Variants in DLG5 observed in about 807,000 individuals in gnomAD.
DLG5 encodes the protein disks large homolog 5.
Under a neutral mutation model 189.8 loss-of-function variants are expected in DLG5, and 48 were observed. The ratio of observed to expected loss-of-function variants is 0.25; its 90% CI spans 0.20 to 0.32. The LOEUF is 0.32. Among genes scored for constraint, DLG5 ranks in the 10% least tolerant of loss-of-function variants. DLG5 has a pLI of 1.00. For synonymous variants in DLG5, 1,016 were observed against 1,054.1 expected, an observed-to-expected ratio of 0.96 and a Z score of 0.70; for missense variants, 2,160 against 2,544.7, an observed-to-expected ratio of 0.85 and a Z score of 3.25.
intron 1 of DLG5, among the ~76,000 whole-genome samples, chr10:77,892,637 C>T (rs55738779): frequency 0.27 from 40,839 of 152,094 alleles, 6,260 homozygotes; most frequent in Non-Finnish European, 0.35. Flanking sequence ...TGACTGTTTA[C>T]AAGACACCTC....
At chr10:77,911,688 G>A (rs945013279) in intron 1 of DLG5, among the ~76,000 whole-genome samples, 1 of 152,202 alleles carries the variant, frequency 6.6e-6, no homozygotes. Context: ...TAAAAATCCT[G>A]TTGGCAGGGA....
intron 8 of DLG5, among the ~76,000 whole-genome samples, chr10:77,834,562 C>T (rs1347236509): frequency 6.6e-6 from 1 of 152,184 alleles, no homozygotes; most frequent in African/African-American, 2.4e-5. Flanking sequence ...TCTCTATTAG[C>T]TCTGTGCAGG....
At chr10:77,862,283 G>A (rs1165920038) in intron 2 of DLG5, among the ~76,000 whole-genome samples, 1 of 151,898 alleles carries the variant, frequency 6.6e-6, no homozygotes, top group Non-Finnish European at 1.5e-5. Context: ...GAGTTAATCT[G>A]TCCCTGGACA....
chr10:77,932,765 A>G, the DLG5 span, among the ~76,000 whole-genome samples: 2 of 152,208 alleles, frequency 1.3e-5, no homozygotes, highest in Non-Finnish European at 2.9e-5. Context: ...CAGAGTGGCC[A>G]CTGCTGGGGC....
At chr10:77,799,680 C>T (rs1485225724) in intron 27 of DLG5, among the ~76,000 whole-genome samples, 1 of 152,078 alleles carries the variant, frequency 6.6e-6, no homozygotes, top group East Asian at 1.9e-4. Context: ...ACAATCATAG[C>T]TCATCGCAGC....
At chr10:77,915,326 CA>C (rs397847299) in intron 1 of DLG5, among the ~76,000 whole-genome samples, 4,195 of 96,674 alleles carry the variant, frequency 0.043, 83 homozygotes, top group African/African-American at 0.098. Context: ...GATGCCGTTT[CA>C]AAAAAAAAAA....
chr10:77,807,805 A>T lies in DLG5; in HGVS notation c.4787T>A (p.Phe1596Tyr). ...TKAKGLPGDS[F>Y]YIRALYDRLA... ...CCCCAGCCACTGGTACCTGATGTAG[A>T]AGCTGTCACCAGGCAGGCCCTTGGC... Residue 1596 changes from phenylalanine (F) to tyrosine (Y), a missense_variant, in exon 25 of 32, where the codon TTC (phenylalanine) becomes TAC (tyrosine). Physicochemically the swap from Phe to Tyr is conservative, Grantham distance 22. Around this residue, in one of 5 missense-constraint regions of DLG5, gnomAD observed 574 missense variants for 644.2 expected, o/e 0.89. Coordinates refer to ENST00000372391, the MANE Select transcript of DLG5 (RefSeq NM_004747.4). 6.2e-7 allele frequency: 1 copy of T among 1,613,646 alleles called. No homozygotes were observed. Among genetic ancestry groups the T allele is most frequent in the Non-Finnish European group, 8.5e-7 (1 of 1,179,746 alleles).
chr10:77,936,387 G>A, the DLG5 span, among the ~76,000 whole-genome samples: 1 of 147,646 alleles, frequency 6.8e-6, no homozygotes, highest in Non-Finnish European at 1.5e-5. Flanking sequence ...GCAGTGAGCC[G>A]AGATCACGCC....
chr10:77,872,527 G>C (rs867438437), intron 1 of DLG5, among the ~76,000 whole-genome samples: 2 of 152,172 alleles, frequency 1.3e-5, no homozygotes, highest in African/African-American at 2.4e-5. Context: ...GGAGCTGGTG[G>C]GGGGAGTGGT....
Position 77,853,538 on chromosome 10 carries a change from C to A in DLG5, c.681-1G>T. 1 of 1,590,002 alleles carries A rather than the reference C, an allele frequency of 6.3e-7. No homozygotes were observed. Among genetic ancestry groups the A allele is most frequent in the Non-Finnish European group, 8.6e-7 (1 of 1,167,062 alleles). On this transcript the variant is annotated splice_acceptor_variant, in intron 4 of 31. Coordinates refer to ENST00000372391, the MANE Select transcript of DLG5 (RefSeq NM_004747.4). LOFTEE classifies it high-confidence loss of function. ...ACTCAGGAGCCGGCTGTGGAGTGTG[C>A]TGAAACACCCGGTACATGCTCAGTG...
At chr10:77,871,107 T>C (rs976258463) in intron 1 of DLG5, among the ~76,000 whole-genome samples, 4 of 152,202 alleles carry the variant, frequency 2.6e-5, no homozygotes, top group Admixed American at 1.3e-4. Context: ...GAGCATGGGC[T>C]GAAGAGAATG....
intron 2 of DLG5, among the ~76,000 whole-genome samples, chr10:77,857,273 C>T (rs1213067974): frequency 4.6e-5 from 7 of 152,214 alleles, no homozygotes; most frequent in Admixed American, 3.9e-4. Flanking sequence ...GCACATGGAG[C>T]AGGACAGACC....
At chr10:77,813,137 C>T (rs1188767774) in intron 20 of DLG5, among the ~76,000 whole-genome samples, 1 of 152,254 alleles carries the variant, frequency 6.6e-6, no homozygotes, top group African/African-American at 2.4e-5. Context: ...TGGAACATAA[C>T]AGAAAAGACA....
intron 5 of DLG5, among the ~76,000 whole-genome samples, chr10:77,845,028 G>T (rs1843617878): frequency 6.6e-6 from 1 of 152,232 alleles, no homozygotes; most frequent in Non-Finnish European, 1.5e-5. Flanking sequence ...CATGGCCGCA[G>T]GCCTCACAGT....
intron 3 of DLG5, among the ~76,000 whole-genome samples, chr10:77,855,905 C>T (rs989796373): frequency 7.9e-5 from 12 of 152,352 alleles, no homozygotes; most frequent in Middle Eastern, 3.4e-3. Flanking sequence ...AGAAAGTCCT[C>T]TTAGATCATG....
At chr10:77,869,363 CTTCGG>C in intron 1 of DLG5, 166 bp from the exon 2 acceptor site, 2 of 636,202 alleles carry the variant, frequency 3.1e-6, no homozygotes, top group South Asian at 3.6e-5. Context: ...CAGATCTGGA[CTTCGG>C]TGTTTCTGCC....
chr10:77,885,117 C>T (rs954881280), intron 1 of DLG5, among the ~76,000 whole-genome samples: 3 of 152,174 alleles, frequency 2.0e-5, no homozygotes, highest in Admixed American at 1.3e-4. Context: ...AAGCATTCTT[C>T]GCCCTAAAAC....
intron 1 of DLG5, chr10:77,889,469 G>A (rs1300485658): frequency 1.3e-5 from 2 of 152,248 alleles, no homozygotes; most frequent in African/African-American, 2.4e-5. Flanking sequence ...TCATGACAAA[G>A]GCCACTTGTT....
chr10:77,859,988 C>T (rs1449842350), intron 2 of DLG5, among the ~76,000 whole-genome samples: 2 of 152,238 alleles, frequency 1.3e-5, no homozygotes, highest in Non-Finnish European at 2.9e-5. Context: ...CTGACCATAA[C>T]CTACCTGACT....
Sources: gnomAD v4.1 joint callset for allele counts (sites outside exome capture counted in the v4.1 genomes callset) on GRCh38, gnomAD v4.1.1 for gene constraint, gnomAD v4.1.1 regional missense constraint, MANE v1.5 for transcripts, NCBI Gene and HGNC (gene_info 2026-07-23, HGNC 2026-07-21) for gene names.